Variants in NT5DC2 observed in about 807,000 individuals in gnomAD.
NT5DC2 encodes 5'-nucleotidase domain containing 2.
Under a neutral mutation model 70.0 loss-of-function variants are expected in NT5DC2, and 41 were observed. The ratio of observed to expected loss-of-function variants is 0.59; its 90% confidence interval spans 0.46 to 0.76. NT5DC2 has a LOEUF of 0.76. Among genes scored for constraint, NT5DC2 ranks in the 30% least tolerant of loss-of-function variants. The pLI, the probability that NT5DC2 is intolerant of heterozygous loss-of-function variation, is 0.00. For missense variants in NT5DC2, 705 were observed against 783.2 expected, an observed-to-expected ratio of 0.90 and a Z score of 1.19; for synonymous variants, 299 against 310.4, an observed-to-expected ratio of 0.96 and a Z score of 0.39.
At chr3:52,528,096 A>AG in intron 6 of NT5DC2, 23 bp from the exon 7 acceptor site, 1 of 1,612,822 alleles carries the variant, frequency 6.2e-7, no homozygotes, top group African/African-American at 1.3e-5. Context: ...GAGGACAATG[A>AG]GGGTACAGCA....
Position 52,533,482 on chromosome 3 carries a change from C to A in NT5DC2, c.232+24G>T, listed in dbSNP as rs1168835908. 5.4e-6 allele frequency: 8 copies of A among 1,494,240 alleles called. No individual in the cohort carries two copies. The African/African-American group carries it at 1.2e-4, about 22-fold the overall frequency. 92.6% of individuals were successfully genotyped at this position (1,494,240 alleles called of 1,614,324 possible). On this transcript the variant is annotated intron_variant, in intron 1 of 13. Coordinates refer to ENST00000422318, the MANE Select transcript of NT5DC2 (RefSeq NM_001134231.2). ...AGTCCACGCGGAAGACACCCCGGCGCACGTCCCGCCCCGGCTCACCCACCG... is the reference window on the plus strand; with the variant it reads ...AGTCCACGCGGAAGACACCCCGGCGAACGTCCCGCCCCGGCTCACCCACCG...
Position 52,524,977 on chromosome 3 carries a change from G to A in NT5DC2, c.1333C>T (p.Leu445=). The A allele has an allele frequency of 6.2e-7, 1 of 1,611,578 alleles. No individual in the cohort carries two copies. Among genetic ancestry groups the A allele is most frequent in the Non-Finnish European group, 8.5e-7 (1 of 1,179,584 alleles). ...LTWQQALTGL[L]ERMQTYQDAE... is the part of the protein sequence containing the mutation. ...CCGGCCCACACCTGCATGCGCTCCA[G>A]CAGCCCCGTGAGCGCCTGCTGCCAC... Residue 445 remains leucine, a synonymous_variant, in exon 12 of 14, where the codon CTG becomes TTG. Coordinates refer to ENST00000422318, the MANE Select transcript of NT5DC2 (RefSeq NM_001134231.2).
chr3:52,525,794 G>A (rs759449738), intron 10 of NT5DC2: 18 of 163,312 alleles, frequency 1.1e-4, no homozygotes, highest in Non-Finnish European at 2.4e-4. Context: ...GCCCAGAGCA[G>A]GAATCACCAG....
At chr3:52,533,444 C>A in intron 1 of NT5DC2, 62 bp downstream of exon 1, 1 of 1,446,634 alleles carries the variant, frequency 6.9e-7, no homozygotes, top group Non-Finnish European at 9.2e-7. Flanking sequence ...CCCTGGGGCT[C>A]GGTCCGTCCA....
At position 52,524,458 on chromosome 3, in the gene NT5DC2, A is replaced by C; in HGVS notation, c.*12T>G. On this transcript the variant is annotated 3_prime_UTR_variant, in exon 14 of 14. Transcript: ENST00000422318. ...AGGGGCTGAGGGCCTGTCCCAGACA[A>C]TAAAGGTGCCCTCAGCGGATGTGGG... 6.2e-7 allele frequency: 1 copy of C among 1,612,724 alleles called. No individual in the cohort carries two copies. The highest frequency in any genetic ancestry group is 1.1e-5 in the South Asian group (1 of 91,080).
Position 52,525,034 on chromosome 3 carries a change from T to C in NT5DC2, c.1276A>G (p.Ile426Val). ...GAGTGCATGTACTGCTCCGTGTTGA[T>C]GATGCGGATCTCACGCTCCAGCTCG... ...IPELEREIRI[I>V]NTEQYMHSLT... Residue 426 changes from isoleucine to valine, a missense_variant, in exon 12 of 14, where the codon ATC (isoleucine) becomes GTC (valine). Coordinates refer to ENST00000422318, the MANE Select transcript of NT5DC2 (RefSeq NM_001134231.2). 1 of 1,606,886 alleles carries C rather than the reference T, an allele frequency of 6.2e-7. No homozygotes were observed. The highest frequency in any genetic ancestry group is 8.5e-7 in the Non-Finnish European group (1 of 1,177,500).
Position 52,524,858 on chromosome 3 carries a change from C to G in NT5DC2, c.1371G>C (p.Arg457Ser), listed in dbSNP as rs895721542. 1.2e-6 allele frequency: 2 copies of G among 1,612,250 alleles called. No homozygotes were observed. The highest frequency in any genetic ancestry group is 2.7e-5 in the African/African-American group (2 of 74,894). The change falls in exon 13 of 14, where the codon AGG becomes AGC. Residue 457 changes from arginine (R) to serine (S), a missense_variant. By Grantham distance (110) the Arg-to-Ser change is moderately radical (BLOSUM62 -1). Transcript: ENST00000422318. ...CTTTCATCCAGGCAGCCAGCACCTGCCTCGACTCCGCGTCCTGATAGGTCT... is the reference window on the plus strand; with the variant it reads ...CTTTCATCCAGGCAGCCAGCACCTGGCTCGACTCCGCGTCCTGATAGGTCT... ...RMQTYQDAES[R>S]QVLAAWMKER...
At chr3:52,527,535 T>A in intron 9 of NT5DC2, 82 bp downstream of exon 9, 1 of 1,522,516 alleles carries the variant, frequency 6.6e-7, no homozygotes, top group Non-Finnish European at 9.0e-7. Context: ...AAGGGCCAGG[T>A]TGGCCTCCTG....
chr3:52,532,162 C>T, intron 1 of NT5DC2: 1 of 985,306 alleles, frequency 1.0e-6, no homozygotes, highest in Non-Finnish European at 1.2e-6. Flanking sequence ...CTGGTGCTCA[C>T]CATGGGATCT....
Position 52,533,731 on chromosome 3 carries a change from C to G in NT5DC2, c.7G>C (p.Gly3Arg), listed in dbSNP as rs1317957698. The G allele has an allele frequency of 3.1e-6, 3 of 982,524 alleles. No individual in the cohort carries two copies. Among genetic ancestry groups the G allele is most frequent in the African/African-American group, 1.8e-5 (1 of 56,488 alleles). The allele number at this position is 982,524 out of a possible 1,614,324, so 60.9% of individuals were successfully genotyped here. The change falls in exon 1 of 14, where the codon GGT (glycine) becomes CGT (arginine). Residue 3 changes from glycine to arginine, a missense_variant. Transcript: ENST00000422318. MA[G>R]AGLRAAARRW... ...CGAGCGGCCGCCCGCAGCCCCGCACCCGCCATGCCCACCGCGCGCCGCCCG... is the reference window on the plus strand; with the variant it reads ...CGAGCGGCCGCCCGCAGCCCCGCACGCGCCATGCCCACCGCGCGCCGCCCG...
At chr3:52,525,346 C>A in intron 10 of NT5DC2, 51 bp from the exon 11 acceptor site, 1 of 1,436,688 alleles carries the variant, frequency 7.0e-7, no homozygotes, top group East Asian at 2.3e-5. Flanking sequence ...TGTCCTCCAC[C>A]AGTCCTCCCT....
At chr3:52,534,990 G>T (rs1199073723), upstream of NT5DC2, 2 of 295,174 alleles carry the variant, frequency 6.8e-6, no homozygotes, top group South Asian at 4.1e-5. Context: ...CAGGCGAGGG[G>T]ATGCCCTGCA....
rs755342239 is a variant in NT5DC2, at chr3:52,524,449, T to G, written c.*21A>C. ...TGGGGCAGGAGGGGCTGAGGGCCTG[T>G]CCCAGACAATAAAGGTGCCCTCAGC... On this transcript the variant is annotated 3_prime_UTR_variant, in exon 14 of 14. Transcript: ENST00000422318. 14 of 1,612,534 alleles carry G rather than the reference T, an allele frequency of 8.7e-6. No homozygotes were observed. The highest frequency in any genetic ancestry group is 1.2e-5 in the Non-Finnish European group (14 of 1,179,802).
intron 9 of NT5DC2, 118 bp downstream of exon 9, chr3:52,527,499 C>T: frequency 2.8e-6 from 4 of 1,451,612 alleles, no homozygotes; most frequent in South Asian, 2.4e-5. Flanking sequence ...GGGGTGTTCT[C>T]ACCCCAAGCA....
At chr3:52,533,160 C>T (rs976115178) in intron 1 of NT5DC2, among the ~76,000 whole-genome samples, 1 of 152,118 alleles carries the variant, frequency 6.6e-6, no homozygotes, top group Non-Finnish European at 1.5e-5. Context: ...AAGGGTTGGC[C>T]GAGAACAAGG....
chr3:52,525,345 C>T, intron 10 of NT5DC2, 50 bp from the exon 11 acceptor site: 2 of 1,437,494 alleles, frequency 1.4e-6, no homozygotes, highest in Non-Finnish European at 1.9e-6. Flanking sequence ...TTGTCCTCCA[C>T]CAGTCCTCCC....
intron 1 of NT5DC2, chr3:52,532,140 A>G: frequency 2.0e-6 from 2 of 980,902 alleles, no homozygotes; most frequent in Non-Finnish European, 2.4e-6. Flanking sequence ...AGAGGTGTGA[A>G]GCTGGCTCCT....
At chr3:52,525,455 C>T (rs2079245546) in intron 10 of NT5DC2, 160 bp from the exon 11 acceptor site, 5 of 624,552 alleles carry the variant, frequency 8.0e-6, no homozygotes, top group Non-Finnish European at 1.2e-5. Flanking sequence ...TGTCACTTTC[C>T]CCTCCTACTT....
chr3:52,532,430 T>C, intron 1 of NT5DC2: 1 of 985,352 alleles, frequency 1.0e-6, no homozygotes, highest in Non-Finnish European at 1.2e-6. Flanking sequence ...GCCCAAGGCT[T>C]CAAAATGACC....
Sources: gnomAD v4.1 joint callset for allele counts (sites outside exome capture counted in the v4.1 genomes callset) on GRCh38, gnomAD v4.1.1 for gene constraint, MANE v1.5 for transcripts, NCBI Gene and HGNC (gene_info 2026-07-23, HGNC 2026-07-21) for gene names.